Variants in CCSER1 observed in about 807,000 individuals in gnomAD.
The protein encoded by CCSER1 is coiled-coil serine rich protein 1.
CCSER1 carries 41 observed loss-of-function variants against 82.0 expected under a neutral mutation model. The ratio of observed to expected loss-of-function variants is 0.50; its 90% CI spans 0.39 to 0.65. The LOEUF (loss-of-function observed/expected upper bound fraction) is 0.65. CCSER1 is among the 30% of genes least tolerant of loss of function. The pLI is 0.00. For synonymous variants in CCSER1, 414 were observed against 383.9 expected, an observed-to-expected ratio of 1.08 and a Z score of -0.92; for missense variants, 1,119 against 1,064.2, an observed-to-expected ratio of 1.05 and a Z score of -0.72.
At chr4:90,857,073 G>A (rs1434330773) in intron 8 of CCSER1, among the ~76,000 whole-genome samples, 1 of 151,848 alleles carries the variant, frequency 6.6e-6, no homozygotes, top group Non-Finnish European at 1.5e-5. Flanking sequence ...TGGAATTCTG[G>A]GGCTTAAACT....
intron 10 of CCSER1, among the ~76,000 whole-genome samples, chr4:91,526,967 T>C (rs1331924624): frequency 6.9e-6 from 1 of 145,572 alleles, no homozygotes; most frequent in Non-Finnish European, 1.5e-5. Context: ...TTTGATGCAG[T>C]CATTAGGCCA....
At position 90,305,058 on chromosome 4, in the gene CCSER1, A is replaced by C. The variant is rs530416262; in HGVS notation, c.-41-3186A>C. Among the ~76,000 whole-genome samples, 30 of 151,908 alleles carry C rather than the reference A, an allele frequency of 2.0e-4. 1 individual carries two copies. In the South Asian group the frequency reaches 4.4e-3, roughly 22 times the overall value. ...CAGCCTCCCTAGTAGCTGGGACTAC[A>C]GGCGCCCACCACCATGCCTGGATAA... On this transcript the variant is annotated intron_variant, in intron 1 of 10. Transcript: ENST00000509176.
intron 10 of CCSER1, among the ~76,000 whole-genome samples, chr4:91,428,344 T>C (rs1382577191): frequency 1.3e-5 from 2 of 152,118 alleles, no homozygotes; most frequent in Admixed American, 1.3e-4. Flanking sequence ...TAGATTCCTT[T>C]GTCACTTTTT....
At chr4:90,950,248 T>G (rs931801769) in intron 9 of CCSER1, among the ~76,000 whole-genome samples, 3 of 152,130 alleles carry the variant, frequency 2.0e-5, no homozygotes, top group Non-Finnish European at 2.9e-5. Context: ...GTTATAGATA[T>G]CTGTAAAAAA....
At chr4:90,607,302 C>G (rs776425405) in intron 5 of CCSER1, among the ~76,000 whole-genome samples, 16 of 152,262 alleles carry the variant, frequency 1.1e-4, no homozygotes, top group Non-Finnish European at 2.2e-4. Flanking sequence ...AAAATGTTCT[C>G]ATTCCTGAAC....
chr4:91,579,525 T>G (rs758896826), intron 10 of CCSER1, among the ~76,000 whole-genome samples: 3 of 151,854 alleles, frequency 2.0e-5, no homozygotes, highest in Non-Finnish European at 4.4e-5. Flanking sequence ...TTTATATAAA[T>G]GTTTCCATGA....
chr4:91,587,361 C>A (rs1764050456), intron 10 of CCSER1, among the ~76,000 whole-genome samples: 1 of 151,722 alleles, frequency 6.6e-6, no homozygotes, highest in African/African-American at 2.4e-5. Flanking sequence ...TAGAAAACTT[C>A]AATCTGGGGA....
intron 5 of CCSER1, among the ~76,000 whole-genome samples, chr4:90,537,728 T>C (rs141664472): frequency 2.0e-5 from 3 of 152,328 alleles, no homozygotes; most frequent in Admixed American, 6.5e-5. Context: ...TGGGGTTTTA[T>C]ACAACAGTGC....
intron 8 of CCSER1, among the ~76,000 whole-genome samples, chr4:90,822,497 G>A (rs112907258): frequency 6.6e-6 from 1 of 152,154 alleles, no homozygotes; most frequent in Admixed American, 6.5e-5. Flanking sequence ...GGGAGGCCAA[G>A]GCGGGCGAAT....
intron 3 of CCSER1, among the ~76,000 whole-genome samples, chr4:90,344,216 G>A (rs1741928299): frequency 6.6e-6 from 1 of 152,168 alleles, no homozygotes; most frequent in Admixed American, 6.5e-5. Flanking sequence ...CAGATGAAAG[G>A]ATGCCACTCT....
At chr4:90,901,909 C>T (rs1160983692) in intron 8 of CCSER1, among the ~76,000 whole-genome samples, 2 of 151,864 alleles carry the variant, frequency 1.3e-5, no homozygotes, top group Non-Finnish European at 2.9e-5. Flanking sequence ...TTTCTTCTTC[C>T]TCATGAATGC....
At chr4:90,900,526 AT>A (rs1220637721) in intron 8 of CCSER1, among the ~76,000 whole-genome samples, 5 of 151,734 alleles carry the variant, frequency 3.3e-5, no homozygotes, top group African/African-American at 1.2e-4. Flanking sequence ...AACTTTTTAA[AT>A]TTCTGCTTTA....
chr4:90,856,804 A>T (rs1473053922), intron 8 of CCSER1, among the ~76,000 whole-genome samples: 1 of 152,130 alleles, frequency 6.6e-6, no homozygotes, highest in Non-Finnish European at 1.5e-5. Flanking sequence ...ATATATCAAA[A>T]TGTATTCTGA....
At chr4:90,542,054 A>C (rs1373423371) in intron 5 of CCSER1, among the ~76,000 whole-genome samples, 1 of 152,070 alleles carries the variant, frequency 6.6e-6, no homozygotes, top group East Asian at 1.9e-4. Flanking sequence ...TAATTTGCTT[A>C]GTAATAGTCA....
At chr4:91,143,214 T>C (rs2148933993) in intron 10 of CCSER1, among the ~76,000 whole-genome samples, 1 of 152,174 alleles carries the variant, frequency 6.6e-6, no homozygotes, top group Non-Finnish European at 1.5e-5. Flanking sequence ...TTAGATGTGT[T>C]TCTAGGTATT....
At chr4:90,442,170 G>T (rs1389628099) in intron 4 of CCSER1, among the ~76,000 whole-genome samples, 1 of 151,906 alleles carries the variant, frequency 6.6e-6, no homozygotes. Context: ...CAACGAGGGG[G>T]GTCATCATTC....
chr4:90,543,761 G>A (rs934908687), intron 5 of CCSER1, among the ~76,000 whole-genome samples: 1 of 152,134 alleles, frequency 6.6e-6, no homozygotes, highest in South Asian at 2.1e-4. Context: ...AGTATCATAT[G>A]TAACTTGAAG....
At chr4:91,174,219 A>C (rs773976905) in intron 10 of CCSER1, among the ~76,000 whole-genome samples, 13 of 152,114 alleles carry the variant, frequency 8.5e-5, no homozygotes, top group Admixed American at 3.9e-4. Context: ...TTTGGATGGC[A>C]GTCTTTTCTT....
chr4:90,241,347 G>C (rs1746798505), intron 1 of CCSER1, among the ~76,000 whole-genome samples: 1 of 152,134 alleles, frequency 6.6e-6, no homozygotes, highest in Admixed American at 6.5e-5. Context: ...TAAGAGACAG[G>C]TAAAGAGGTG....
Sources: allele counts gnomAD v4.1 joint callset (sites outside exome capture counted in the v4.1 genomes callset), GRCh38; gene constraint gnomAD v4.1.1; transcripts MANE v1.5; gene names NCBI Gene and HGNC (gene_info 2026-07-23, HGNC 2026-07-21).